The following TNKS variants were observed in gnomAD, a reference collection of about 807,000 sequenced individuals.
TNKS encodes poly [ADP-ribose] polymerase tankyrase-1.
In TNKS, 72 loss-of-function variants were observed where a neutral mutation model predicts 135.8. That is an observed-to-expected ratio of 0.53 (90% CI 0.44 to 0.64). The LOEUF (loss-of-function observed/expected upper bound fraction) is 0.64. TNKS is among the 30% of genes least tolerant of loss of function. The probability of loss-of-function intolerance (pLI) is 0.00; values close to 1 mark genes in which losing one functional copy is unlikely to be tolerated. For synonymous variants in TNKS, 849 were observed against 649.3 expected, an observed-to-expected ratio of 1.31 and a Z score of -4.68; for missense variants, 1,769 against 1,674.0, an observed-to-expected ratio of 1.06 and a Z score of -0.99.
chr8:9,695,686 T>TG lies in TNKS; in HGVS notation c.1108-8976dup, dbSNP rs541652942. Among the ~76,000 whole-genome samples the TG allele has an allele frequency of 8.5e-4, 129 of 152,302 alleles. No homozygotes were observed. The South Asian group carries it at 0.026, about 31-fold the overall frequency. On this transcript the variant is annotated intron_variant, in intron 5 of 26. Coordinates refer to ENST00000310430, the MANE Select transcript of TNKS (RefSeq NM_003747.3). The stretch of plus-strand genomic sequence containing the variant: ...GAAGCAAGGAGACCTAGTAGAAGGC[T>TG]GTTGCCACTAGCCAGCTGAGAGAGG...
At chr8:9,566,202 T>C (rs2129050315) in intron 1 of TNKS, 1 of 152,310 alleles carries the variant, frequency 6.6e-6, no homozygotes, top group Non-Finnish European at 1.5e-5. Flanking sequence ...AGTTAATACA[T>C]CTTAGCTATT....
chr8:9,642,549 C>T (rs998740267), intron 3 of TNKS, among the ~76,000 whole-genome samples: 1 of 146,064 alleles, frequency 6.8e-6, no homozygotes, highest in Non-Finnish European at 1.5e-5. Context: ...CAGTCATGAA[C>T]CATTTAGTTA....
chr8:9,656,349 A>G (rs1801367108), intron 3 of TNKS, among the ~76,000 whole-genome samples: 1 of 152,226 alleles, frequency 6.6e-6, no homozygotes, highest in Non-Finnish European at 1.5e-5. Context: ...TCCCAAACCT[A>G]GCAAGGCAGG....
chr8:9,673,387 A>T lies in TNKS; in HGVS notation c.995-6564A>T, dbSNP rs192620172. ...AAATTTTATGACATAAAATTATGAC[A>T]TAAAAATTTTAATATAGGATAATAG... On this transcript the variant is annotated intron_variant, in intron 3 of 26. Transcript: ENST00000310430. 4.2e-4 allele frequency among the ~76,000 whole-genome samples: 64 copies of T among 151,988 alleles called. 2 individuals are homozygous for T. The East Asian group carries it at 0.012, about 28-fold the overall frequency.
chr8:9,749,718 C>T (rs1806419259), intron 18 of TNKS, among the ~76,000 whole-genome samples: 1 of 152,024 alleles, frequency 6.6e-6, no homozygotes, highest in South Asian at 2.1e-4. Context: ...TGGGCTCCTC[C>T]CTCAGCCTCC....
At chr8:9,577,489 G>C (rs773140759) in intron 1 of TNKS, among the ~76,000 whole-genome samples, 1 of 152,146 alleles carries the variant, frequency 6.6e-6, no homozygotes, top group Admixed American at 6.5e-5. Flanking sequence ...ATTCACAGTC[G>C]TGACGGGAGG....
At chr8:9,684,425 A>T (rs1032295624) in intron 5 of TNKS, among the ~76,000 whole-genome samples, 1 of 152,022 alleles carries the variant, frequency 6.6e-6, no homozygotes, top group African/African-American at 2.4e-5. Flanking sequence ...TCCAACAGTC[A>T]ACTCTTTTGA....
intron 3 of TNKS, among the ~76,000 whole-genome samples, chr8:9,649,939 G>A (rs1375999114): frequency 2.8e-4 from 38 of 138,150 alleles, no homozygotes; most frequent in African/African-American, 1.1e-3. Flanking sequence ...GTCCAGGCTG[G>A]AGTGCAGTGG....
intron 5 of TNKS, among the ~76,000 whole-genome samples, chr8:9,701,002 C>G (rs1803776720): frequency 6.7e-6 from 1 of 150,240 alleles, no homozygotes; most frequent in Non-Finnish European, 1.5e-5. Flanking sequence ...GGCCCCATCT[C>G]TGCTCACTGC....
rs553131571 is a variant in TNKS at position 9,685,582 on chromosome 8, T to A, written c.1107+4782T>A. 1.4e-4 allele frequency among the ~76,000 whole-genome samples: 22 copies of A among 152,336 alleles called. 1 individual carries two copies. The South Asian group carries it at 4.4e-3, about 30-fold the overall frequency. On this transcript the variant is annotated intron_variant, in intron 5 of 26. Transcript: ENST00000310430. ...AAATGTCCTTATTGTCCAAGCTCTG[T>A]CCCAGCTGCCTTTGGATAAAATAAC...
In TNKS at chr8:9,641,004, C is replaced by G. The variant is rs530785632; in HGVS notation, c.994+25327C>G. Among the ~76,000 whole-genome samples, 23 of 145,928 alleles carry G rather than the reference C, an allele frequency of 1.6e-4. 3 individuals are homozygous for G. Among genetic ancestry groups the G allele is most frequent in the African/African-American group, 5.3e-4 (21 of 39,400 alleles). ...CTCCTTAGCCCGTCTCCCTAAATCT[C>G]CCAACCAAAGCCCAAACGCTTTAAT... On this transcript the variant is annotated intron_variant, in intron 3 of 26. Coordinates refer to ENST00000310430, the MANE Select transcript of TNKS (RefSeq NM_003747.3).
chr8:9,771,174 G>A (rs1807809523), intron 26 of TNKS, among the ~76,000 whole-genome samples: 1 of 148,892 alleles, frequency 6.7e-6, no homozygotes, highest in Admixed American at 6.7e-5. Flanking sequence ...GGAAAGGAGG[G>A]AGAGAAGAGA....
chr8:9,556,693 G>A lies in TNKS; in HGVS notation c.673+81G>A, dbSNP rs1815327758. On this transcript the variant is annotated intron_variant, in intron 1 of 26. Transcript: ENST00000310430. ...TTAGGACAAGAAAACAGGTTATTGT[G>A]ATGGGACAAAGTGGGGGCGTGGTTA... 4 of 1,531,138 alleles carry A rather than the reference G, an allele frequency of 2.6e-6. No individual in the cohort carries two copies. The Admixed American group carries it at 5.1e-5, about 20-fold the overall frequency. The allele number at this position is 1,531,138 out of a possible 1,614,324, so 94.8% of individuals were successfully genotyped here.
chr8:9,657,770 G>T (rs1421771113), intron 3 of TNKS, among the ~76,000 whole-genome samples: 8 of 146,944 alleles, frequency 5.4e-5, no homozygotes, highest in African/African-American at 2.0e-4. Context: ...CGGCTGGCCG[G>T]GCAGGGGGCT....
At chr8:9,745,663 C>A (rs1382247043) in intron 17 of TNKS, among the ~76,000 whole-genome samples, 1 of 152,088 alleles carries the variant, frequency 6.6e-6, no homozygotes, top group African/African-American at 2.4e-5. Context: ...CCTCGGCCTC[C>A]CAAAGTGGTG....
chr8:9,647,635 C>A (rs1800966480), intron 3 of TNKS, among the ~76,000 whole-genome samples: 1 of 152,162 alleles, frequency 6.6e-6, no homozygotes, highest in African/African-American at 2.4e-5. Flanking sequence ...CATAACACTT[C>A]AGACATTATA....
chr8:9,776,135 G>C (rs1158260983), intron 26 of TNKS, among the ~76,000 whole-genome samples: 1 of 152,206 alleles, frequency 6.6e-6, no homozygotes. Flanking sequence ...ATGCCTTTGA[G>C]TAGTCAGTTT....
rs577404429 is a variant in TNKS, at chr8:9,655,237, C to T, written c.995-24714C>T. Among the ~76,000 whole-genome samples the T allele has an allele frequency of 2.3e-4, 35 of 152,348 alleles. 1 individual carries two copies. In the South Asian group the frequency reaches 7.0e-3, roughly 31 times the overall value. ...CCCAGGCTTGAGTAGGTAAACAAAG[C>T]AGCCCGGAAACTCGAACTGGGTGGA... On this transcript the variant is annotated intron_variant, in intron 3 of 26. Coordinates refer to ENST00000310430, the MANE Select transcript of TNKS (RefSeq NM_003747.3).
intron 2 of TNKS, among the ~76,000 whole-genome samples, chr8:9,583,467 T>C (rs1798248096): frequency 6.6e-6 from 1 of 152,066 alleles, no homozygotes; most frequent in Non-Finnish European, 1.5e-5. Flanking sequence ...ACTAAATAGC[T>C]TTTCTGAATA....
Sources: allele counts gnomAD v4.1 joint callset (sites outside exome capture counted in the v4.1 genomes callset), GRCh38; gene constraint gnomAD v4.1.1; transcripts MANE v1.5; gene names NCBI Gene and HGNC (gene_info 2026-07-23, HGNC 2026-07-21).